The following CDC42BPA variants were observed in gnomAD, a reference collection of about 807,000 sequenced individuals.
CDC42BPA encodes CDC42 binding protein kinase alpha, also known as serine/threonine-protein kinase MRCK alpha.
CDC42BPA carries 80 observed loss-of-function variants against 223.5 expected under a neutral mutation model. The observed-to-expected ratio is 0.36, with a 90% CI of 0.30 to 0.43. The LOEUF (loss-of-function observed/expected upper bound fraction) is 0.43. Among genes scored for constraint, CDC42BPA ranks in the 20% least tolerant of loss-of-function variants. The pLI, the probability that CDC42BPA is intolerant of heterozygous loss-of-function variation, is 1.00. For missense variants in CDC42BPA, 1,743 were observed against 2,099.9 expected, an observed-to-expected ratio of 0.83 and a Z score of 3.32; for synonymous variants, 694 against 718.6, an observed-to-expected ratio of 0.97 and a Z score of 0.55.
At chr1:227,066,166 G>A (rs866002556) in intron 21 of CDC42BPA, among the ~76,000 whole-genome samples, 17 of 152,224 alleles carry the variant, frequency 1.1e-4, no homozygotes, top group Middle Eastern at 3.4e-3. Flanking sequence ...TGAGACGGGC[G>A]GATCATGAGG....
intron 10 of CDC42BPA, among the ~76,000 whole-genome samples, chr1:227,136,370 G>T (rs958175427): frequency 6.6e-6 from 1 of 151,984 alleles, no homozygotes; most frequent in Non-Finnish European, 1.5e-5. Flanking sequence ...AAGAACGGAA[G>T]GAACAGAACA....
rs1452445467 is a variant in CDC42BPA at position 227,213,890 on chromosome 1, CA to C, written c.271-672del. 2.6e-5 allele frequency among the ~76,000 whole-genome samples: 4 copies of C among 152,140 alleles called. No homozygotes were observed. The East Asian group carries it at 5.8e-4, about 22-fold the overall frequency. The stretch of plus-strand genomic sequence containing the variant: ...TGTATTTTATATTTCAATTGCAGAT[CA>C]AAAACTATCAAATACAATAAATAAA... On this transcript the variant is annotated intron_variant, in intron 2 of 36. Transcript: ENST00000366766.
intron 1 of CDC42BPA, among the ~76,000 whole-genome samples, chr1:227,273,149 T>C (rs1024840702): frequency 9.9e-5 from 15 of 151,882 alleles, no homozygotes. Context: ...AATACAAAAA[T>C]TAGCCAGGCA....
chr1:226,992,441 C>T lies in CDC42BPA; in HGVS notation c.*1827G>A, dbSNP rs1224643627. 5 of 152,346 alleles carry T rather than the reference C, an allele frequency of 3.3e-5. No homozygotes were observed. Among genetic ancestry groups the T allele is most frequent in the African/African-American group, 1.2e-4 (5 of 41,460 alleles). The allele number at this position is 152,346 out of a possible 1,614,324, so 9.4% of individuals were successfully genotyped here. A position where few individuals can be genotyped will look rare whatever the true frequency, so the allele number is the denominator to read the frequency against. ...AGGATCCTTTCTTCCCTCACTGCATCTCAGAACCTTCTCCACACAGCAGCA... is the reference window on the plus strand; with the variant it reads ...AGGATCCTTTCTTCCCTCACTGCATTTCAGAACCTTCTCCACACAGCAGCA... On this transcript the variant is annotated 3_prime_UTR_variant, in exon 37 of 37. Transcript: ENST00000366766.
chr1:227,053,189 C>T (rs1673886546), intron 21 of CDC42BPA, among the ~76,000 whole-genome samples: 4 of 152,172 alleles, frequency 2.6e-5, no homozygotes, highest in Admixed American at 2.6e-4. Context: ...TGATATGTTG[C>T]ATATGTTAAA....
intron 35 of CDC42BPA, among the ~76,000 whole-genome samples, chr1:226,998,734 G>T (rs1444758874): frequency 6.6e-6 from 1 of 152,108 alleles, no homozygotes; most frequent in African/African-American, 2.4e-5. Flanking sequence ...CACAGGCATG[G>T]GCAAGGACTT....
intron 1 of CDC42BPA, among the ~76,000 whole-genome samples, chr1:227,313,911 T>C (rs1440917290): frequency 3.3e-5 from 5 of 152,170 alleles, no homozygotes; most frequent in African/African-American, 4.8e-5. Context: ...TATTTAGTGA[T>C]AATTTCTGTA....
intron 1 of CDC42BPA, among the ~76,000 whole-genome samples, chr1:227,308,992 T>C (rs1419897091): frequency 6.6e-6 from 1 of 152,078 alleles, no homozygotes; most frequent in Non-Finnish European, 1.5e-5. Flanking sequence ...AAGTAGTACT[T>C]TGCAGTATAA....
At position 227,160,579 on chromosome 1, in the gene CDC42BPA, A is replaced by G; in HGVS notation, c.657T>C (p.Asp219=). 1 of 1,609,622 alleles carries G rather than the reference A, an allele frequency of 6.2e-7. No individual in the cohort carries two copies. Among genetic ancestry groups the G allele is most frequent in the Non-Finnish European group, 8.5e-7 (1 of 1,176,040 alleles). ...MDMNGHIRLA[D]FGSCLKLMED... ...CCATCAGCTTCAGACAAGAACCAAA[A>G]TCTGCTAACCGAATATGTCCATTCA... Residue 219 remains aspartate (D), a synonymous_variant, in exon 6 of 37, where the codon GAT becomes GAC. Coordinates refer to ENST00000366766, the MANE Select transcript of CDC42BPA (RefSeq NM_001394014.1).
intron 1 of CDC42BPA, among the ~76,000 whole-genome samples, chr1:227,311,824 TTC>T (rs770313413): frequency 1.3e-5 from 2 of 152,104 alleles, no homozygotes; most frequent in African/African-American, 4.8e-5. Context: ...TCCCTACTCA[TTC>T]TCTTTTTCTC....
chr1:227,247,817 G>A (rs927264092), intron 2 of CDC42BPA, among the ~76,000 whole-genome samples: 1 of 151,768 alleles, frequency 6.6e-6, no homozygotes, highest in African/African-American at 2.4e-5. Flanking sequence ...GTGAGATGGA[G>A]GCTGCAGTGA....
At chr1:227,314,958 A>C (rs74978094) in intron 1 of CDC42BPA, among the ~76,000 whole-genome samples, 9,097 of 152,072 alleles carry the variant, frequency 0.06, 278 homozygotes, top group Non-Finnish European at 0.073. Context: ...ACTGATTTTC[A>C]CATATTGTTA....
At chr1:227,092,033 G>A (rs752218800) in intron 15 of CDC42BPA, 42 bp from the exon 16 acceptor site, 4 of 1,115,702 alleles carry the variant, frequency 3.6e-6, no homozygotes, top group Non-Finnish European at 5.2e-6. Flanking sequence ...GGGAATTAAA[G>A]GTCATTTGAA....
In CDC42BPA at chr1:227,160,653, A is replaced by C; in HGVS notation, c.600-17T>G. 1.5e-6 allele frequency: 2 copies of C among 1,339,066 alleles called. No individual in the cohort carries two copies. Among genetic ancestry groups the C allele is most frequent in the Non-Finnish European group, 2.1e-6 (2 of 951,502 alleles). The allele number at this position is 1,339,066 out of a possible 1,614,324, so 82.9% of individuals were successfully genotyped here. On this transcript the variant is annotated splice_polypyrimidine_tract_variant and intron_variant, in intron 5 of 36. Transcript: ENST00000366766. ...TTAATGTCTCTGAAAAAATAAATAAATTCAATTTTTAGTGGAAAAATAAAC... is the reference window on the plus strand; with the variant it reads ...TTAATGTCTCTGAAAAAATAAATAACTTCAATTTTTAGTGGAAAAATAAAC...
chr1:227,085,715 A>C (rs1314307741), intron 16 of CDC42BPA, among the ~76,000 whole-genome samples: 1 of 152,240 alleles, frequency 6.6e-6, no homozygotes, highest in Non-Finnish European at 1.5e-5. Flanking sequence ...CAGGGAAGCT[A>C]TCACTCACTG....
At position 227,074,113 on chromosome 1, in the gene CDC42BPA, C is replaced by A. The variant is rs1030058617; in HGVS notation, c.2587-101G>T. On this transcript the variant is annotated intron_variant, in intron 18 of 36. Coordinates refer to ENST00000366766, the MANE Select transcript of CDC42BPA (RefSeq NM_001394014.1). ...TTATGTTTTTCTAAACTGGAAAAGA[C>A]CCAAACTAATAGTTTTCTCATAAAA... The A allele has an allele frequency of 4.6e-5, 65 of 1,424,582 alleles. 1 individual carries two copies. The highest frequency in any genetic ancestry group is 6.3e-5 in the Non-Finnish European group (65 of 1,035,900). 88.2% of individuals were successfully genotyped at this position (1,424,582 alleles called of 1,614,324 possible).
chr1:227,300,154 A>G (rs764758620), intron 1 of CDC42BPA, among the ~76,000 whole-genome samples: 5 of 152,226 alleles, frequency 3.3e-5, no homozygotes, highest in Non-Finnish European at 7.3e-5. Context: ...ATTATTAAAA[A>G]GTCAAAAACA....
chr1:227,163,107 T>TA (rs200875610), intron 5 of CDC42BPA, among the ~76,000 whole-genome samples: 2 of 59,804 alleles, frequency 3.3e-5, no homozygotes, highest in African/African-American at 1.3e-4. Flanking sequence ...TTTCCAAACA[T>TA]ATATGTGTGT....
intron 5 of CDC42BPA, among the ~76,000 whole-genome samples, chr1:227,187,448 A>G (rs933852089): frequency 1.3e-5 from 2 of 150,960 alleles, no homozygotes; most frequent in African/African-American, 4.9e-5. Flanking sequence ...AGAATATAAT[A>G]GAAACTTCAA....
Sources: gnomAD v4.1 joint callset for allele counts (sites outside exome capture counted in the v4.1 genomes callset) on GRCh38, gnomAD v4.1.1 for gene constraint, MANE v1.5 for transcripts, NCBI Gene and HGNC (gene_info 2026-07-23, HGNC 2026-07-21) for gene names.